The following MACROD2 variants were observed in gnomAD, a reference collection of about 807,000 sequenced individuals.
MACROD2 encodes mono-ADP ribosylhydrolase 2.
A neutral mutation model predicts 70.4 loss-of-function variants in MACROD2; 36 were observed. The observed-to-expected ratio is 0.51, with a 90% confidence interval of 0.39 to 0.68. The LOEUF is 0.68. Ranked by LOEUF, MACROD2 falls within the 30% of genes least tolerant of loss-of-function variation. The pLI is 0.00. For synonymous variants in MACROD2, 172 were observed against 178.8 expected (o/e 0.96, Z 0.30); for missense variants, 496 against 538.4 (o/e 0.92, Z 0.78).
chr20:15,145,412 A>G (rs1188033431), intron 5 of MACROD2, among the ~76,000 whole-genome samples: 1 of 152,134 alleles, frequency 6.6e-6, no homozygotes, highest in African/African-American at 2.4e-5. Context: ...CCAATAATAC[A>G]AATAAAGGCC....
chr20:15,210,759 C>G (rs1302304289), intron 5 of MACROD2, among the ~76,000 whole-genome samples: 2 of 151,972 alleles, frequency 1.3e-5, no homozygotes, highest in Non-Finnish European at 2.9e-5. Flanking sequence ...TGTGTAGCAC[C>G]TCCATACTCT....
intron 3 of MACROD2, among the ~76,000 whole-genome samples, chr20:14,177,860 A>G (rs1569192742): frequency 6.6e-6 from 1 of 152,178 alleles, no homozygotes. Flanking sequence ...AAAATAATGC[A>G]CTAGGGATCT....
At chr20:15,982,687 G>T (rs979832240) in intron 13 of MACROD2, among the ~76,000 whole-genome samples, 1 of 152,178 alleles carries the variant, frequency 6.6e-6, no homozygotes, top group Admixed American at 6.5e-5. Flanking sequence ...AGGTGGCGGG[G>T]TTAGGGTGTT....
intron 4 of MACROD2, among the ~76,000 whole-genome samples, chr20:14,570,344 G>C (rs1292753928): frequency 6.6e-6 from 1 of 151,932 alleles, no homozygotes; most frequent in African/African-American, 2.4e-5. Flanking sequence ...TAGCATTATT[G>C]TTGGAGGGTG....
chr20:14,940,539 G>T (rs1025090456), intron 5 of MACROD2, among the ~76,000 whole-genome samples: 5 of 152,154 alleles, frequency 3.3e-5, no homozygotes, highest in African/African-American at 1.2e-4. Context: ...TGTGGGTTTT[G>T]TCATATAGCC....
At chr20:15,675,848 T>A (rs1045815600) in intron 8 of MACROD2, among the ~76,000 whole-genome samples, 9 of 152,190 alleles carry the variant, frequency 5.9e-5, no homozygotes, top group African/African-American at 2.2e-4. Flanking sequence ...AAGTGTAACC[T>A]CTTGTGGCAG....
chr20:15,567,172 A>T (rs1181763329), intron 8 of MACROD2, among the ~76,000 whole-genome samples: 1 of 151,948 alleles, frequency 6.6e-6, no homozygotes, highest in African/African-American at 2.4e-5. Context: ...TTCATATATT[A>T]ATAGTTAAAG....
chr20:15,356,287 T>C (rs1568744719), intron 6 of MACROD2, among the ~76,000 whole-genome samples: 1 of 152,222 alleles, frequency 6.6e-6, no homozygotes, highest in Non-Finnish European at 1.5e-5. Flanking sequence ...GAATAAGATG[T>C]AATTATGCAG....
At chr20:14,003,779 T>A in intron 2 of MACROD2, 1 of 357,556 alleles carries the variant, frequency 2.8e-6, no homozygotes, top group African/African-American at 3.2e-5. Context: ...TGTACAAAGG[T>A]TAAAAAAAAA....
chr20:14,051,858 T>G (rs2053571927), intron 2 of MACROD2: 1 of 505,142 alleles, frequency 2.0e-6, no homozygotes, highest in South Asian at 1.5e-5. Flanking sequence ...AGGAGATGGA[T>G]ATGATCCTTG....
intron 3 of MACROD2, among the ~76,000 whole-genome samples, chr20:14,106,014 G>T (rs1027281833): frequency 6.6e-6 from 1 of 152,178 alleles, no homozygotes. Context: ...AGATGTGCTG[G>T]CTTTAGGTGT....
intron 8 of MACROD2, among the ~76,000 whole-genome samples, chr20:15,529,695 AAAC>A (rs1225492748): frequency 6.6e-6 from 1 of 152,250 alleles, no homozygotes; most frequent in African/African-American, 2.4e-5. Context: ...ACCTTTCAAA[AAAC>A]AAATCAAATG....
At chr20:14,311,115 A>G (rs1043239313) in intron 3 of MACROD2, among the ~76,000 whole-genome samples, 1 of 152,198 alleles carries the variant, frequency 6.6e-6, no homozygotes, top group Non-Finnish European at 1.5e-5. Flanking sequence ...GTCTACAGTT[A>G]TGTTTAGTAA....
At chr20:14,702,387 A>C (rs2071206563) in intron 5 of MACROD2, among the ~76,000 whole-genome samples, 2 of 151,406 alleles carry the variant, frequency 1.3e-5, no homozygotes, top group South Asian at 4.1e-4. Flanking sequence ...TAAGAGCAGA[A>C]TGTAAATCCT....
chr20:16,001,659 T>C (rs2066711259), intron 15 of MACROD2, among the ~76,000 whole-genome samples: 1 of 152,232 alleles, frequency 6.6e-6, no homozygotes, highest in Non-Finnish European at 1.5e-5. Context: ...TAGATATTTC[T>C]TCTGAAAGAA....
chr20:15,198,393 T>C (rs1307781693), intron 5 of MACROD2, among the ~76,000 whole-genome samples: 2 of 152,210 alleles, frequency 1.3e-5, no homozygotes, highest in Non-Finnish European at 1.5e-5. Flanking sequence ...TCTAAGTGAA[T>C]ATGTTTATTA....
At chr20:15,102,839 C>A (rs2075883462) in intron 5 of MACROD2, among the ~76,000 whole-genome samples, 1 of 151,940 alleles carries the variant, frequency 6.6e-6, no homozygotes, top group African/African-American at 2.4e-5. Context: ...ATATAATAGA[C>A]AGCTGTACAC....
At chr20:14,324,290 G>A (rs2082700090) in intron 3 of MACROD2, 1 of 150,136 alleles carries the variant, frequency 6.7e-6, no homozygotes. Flanking sequence ...GTTTTTTGTT[G>A]AAAAAAAAAA....
At chr20:14,248,227 G>C (rs933731892) in intron 3 of MACROD2, among the ~76,000 whole-genome samples, 1 of 152,186 alleles carries the variant, frequency 6.6e-6, no homozygotes, top group Non-Finnish European at 1.5e-5. Context: ...GGCTGAGATA[G>C]TGACACCTTT....
Sources: allele counts gnomAD v4.1 joint callset (sites outside exome capture counted in the v4.1 genomes callset), GRCh38; gene constraint gnomAD v4.1.1; transcripts MANE v1.5; gene names NCBI Gene and HGNC (gene_info 2026-07-23, HGNC 2026-07-21).